CSMD1: variants seen among roughly 807,000 people sequenced by gnomAD.
The protein encoded by CSMD1 is CUB and sushi domain-containing protein 1.
A neutral mutation model predicts 417.5 loss-of-function variants in CSMD1; 213 were observed. That is an observed-to-expected ratio of 0.51 (90% CI 0.46 to 0.57). The LOEUF is 0.57. Ranked by LOEUF, CSMD1 falls within the 20% of genes least tolerant of loss-of-function variation. The pLI is 0.00. For missense variants in CSMD1, 6,923 were observed against 4,529.7 expected, an observed-to-expected ratio of 1.53 and a Z score of -15.17; for synonymous variants, 2,862 against 1,736.8, an observed-to-expected ratio of 1.65 and a Z score of -16.11.
intron 5 of CSMD1, among the ~76,000 whole-genome samples, chr8:3,756,584 T>C (rs1008681832): frequency 6.6e-6 from 1 of 152,144 alleles, no homozygotes; most frequent in Non-Finnish European, 1.5e-5. Flanking sequence ...GCCCTCAAAA[T>C]ACTGCACTGA....
chr8:3,864,589 G>T (rs1804953456), intron 5 of CSMD1, among the ~76,000 whole-genome samples: 2 of 152,086 alleles, frequency 1.3e-5, no homozygotes, highest in African/African-American at 2.4e-5. Context: ...TTTAGCACTA[G>T]GTATATCTCC....
chr8:4,124,581 A>C (rs927651801), intron 3 of CSMD1, among the ~76,000 whole-genome samples: 1 of 152,176 alleles, frequency 6.6e-6, no homozygotes, highest in Admixed American at 6.5e-5. Context: ...AGTGGGGACC[A>C]TCTGGGGTTT....
At chr8:4,149,820 C>T (rs369736953) in intron 3 of CSMD1, among the ~76,000 whole-genome samples, 1 of 152,252 alleles carries the variant, frequency 6.6e-6, no homozygotes, top group Non-Finnish European at 1.5e-5. Flanking sequence ...ATTAAAATAC[C>T]ACTTTAATTG....
chr8:3,692,014 G>C (rs1198660217), intron 7 of CSMD1, among the ~76,000 whole-genome samples: 1 of 152,144 alleles, frequency 6.6e-6, no homozygotes, highest in Non-Finnish European at 1.5e-5. Context: ...TGGGCATCTG[G>C]TCTCATCATC....
intron 2 of CSMD1, among the ~76,000 whole-genome samples, chr8:4,457,664 C>T (rs181314840): frequency 6.6e-6 from 1 of 152,236 alleles, no homozygotes; most frequent in East Asian, 1.9e-4. Flanking sequence ...ATGTTAAGCT[C>T]AGACAATGAA....
intron 26 of CSMD1, among the ~76,000 whole-genome samples, chr8:3,271,012 TG>T (rs1801810258): frequency 6.6e-6 from 1 of 152,124 alleles, no homozygotes; most frequent in African/African-American, 2.4e-5. Flanking sequence ...TGTGCCATGC[TG>T]GTGCGCTGCA....
At chr8:3,851,257 A>G (rs1357349484) in intron 5 of CSMD1, among the ~76,000 whole-genome samples, 1 of 152,232 alleles carries the variant, frequency 6.6e-6, no homozygotes, top group African/African-American at 2.4e-5. Flanking sequence ...ACAAGGGTGC[A>G]TATCAGGGCA....
chr8:3,316,896 GAAGA>G (rs1229148108), intron 23 of CSMD1, among the ~76,000 whole-genome samples: 2 of 152,144 alleles, frequency 1.3e-5, no homozygotes, highest in East Asian at 1.9e-4. Flanking sequence ...ACATGGGTGA[GAAGA>G]AAGAAAGGAC....
intron 5 of CSMD1, among the ~76,000 whole-genome samples, chr8:3,955,813 T>A (rs1811901491): frequency 6.6e-6 from 1 of 152,182 alleles, no homozygotes; most frequent in Admixed American, 6.5e-5. Context: ...TCTGGTTGAT[T>A]AACTGAGGGG....
intron 3 of CSMD1, among the ~76,000 whole-genome samples, chr8:4,097,657 A>G (rs1254957743): frequency 1.3e-5 from 2 of 152,220 alleles, no homozygotes; most frequent in Non-Finnish European, 2.9e-5. Context: ...AAACTTTAAA[A>G]GATGTTCTTG....
chr8:3,596,488 G>A (rs1274974645), intron 8 of CSMD1, among the ~76,000 whole-genome samples: 2 of 152,186 alleles, frequency 1.3e-5, no homozygotes, highest in African/African-American at 4.8e-5. Context: ...ATCATGGGAT[G>A]CTGGATTCAA....
In CSMD1 at chr8:4,194,864, C is replaced by A. The variant is rs1161608383; in HGVS notation, c.416-162765G>T. On this transcript the variant is annotated intron_variant, in intron 3 of 69. Coordinates refer to ENST00000635120, the MANE Select transcript of CSMD1 (RefSeq NM_033225.6). ...TCAGGATCTCCCACTGTATTATACC[C>A]ATTTTCATTGGTCAGCCACATAATT... 2.6e-5 allele frequency among the ~76,000 whole-genome samples: 4 copies of A among 152,028 alleles called. No homozygotes were observed. The East Asian group carries it at 5.8e-4, about 22-fold the overall frequency.
chr8:4,037,296 T>G (rs3849816), intron 3 of CSMD1, among the ~76,000 whole-genome samples: 31,418 of 152,054 alleles, frequency 0.21, 3,598 homozygotes, highest in East Asian at 0.39. Context: ...GGTCTTGTCT[T>G]ACATTGTTTT....
intron 3 of CSMD1, among the ~76,000 whole-genome samples, chr8:4,274,176 T>G (rs954155115): frequency 6.6e-6 from 1 of 152,112 alleles, no homozygotes. Flanking sequence ...CAAAGTTAAA[T>G]TAGACATCAA....
At chr8:4,457,703 A>C (rs1799572168) in intron 2 of CSMD1, among the ~76,000 whole-genome samples, 1 of 152,124 alleles carries the variant, frequency 6.6e-6, no homozygotes, top group Non-Finnish European at 1.5e-5. Flanking sequence ...TGGGAGAGGC[A>C]GCTTCCCTTC....
At chr8:3,367,386 G>A (rs897669831) in intron 19 of CSMD1, 139 bp from the exon 20 acceptor site, 7 of 627,088 alleles carry the variant, frequency 1.1e-5, no homozygotes, top group Non-Finnish European at 2.0e-5. Flanking sequence ...AAGAGGGGAA[G>A]ACAGATTGCA....
chr8:4,699,878 G>GT (rs1408335920), intron 1 of CSMD1, among the ~76,000 whole-genome samples: 1 of 152,168 alleles, frequency 6.6e-6, no homozygotes, highest in Admixed American at 6.5e-5. Context: ...AAGAGACAAA[G>GT]TTTTTCAGAT....
chr8:3,205,361 G>C, intron 31 of CSMD1, 143 bp downstream of exon 31: 1 of 564,292 alleles, frequency 1.8e-6, no homozygotes, highest in Non-Finnish European at 3.1e-6. Context: ...GATATGTTTG[G>C]AAGGCCTGCT....
intron 18 of CSMD1, among the ~76,000 whole-genome samples, chr8:3,371,824 C>G (rs1353293368): frequency 1.3e-5 from 2 of 152,160 alleles, no homozygotes; most frequent in African/African-American, 4.8e-5. Context: ...TTAAGAATTT[C>G]TCATGGAATT....
Sources: allele counts gnomAD v4.1 joint callset (sites outside exome capture counted in the v4.1 genomes callset), GRCh38; gene constraint gnomAD v4.1.1; transcripts MANE v1.5; gene names NCBI Gene and HGNC (gene_info 2026-07-23, HGNC 2026-07-21).